The following FXR1 variants were observed in gnomAD, a reference collection of about 807,000 sequenced individuals.
FXR1 encodes RNA-binding protein FXR1.
A neutral mutation model predicts 84.0 loss-of-function variants in FXR1; 15 were observed. That is an observed-to-expected ratio of 0.18 (90% CI 0.12 to 0.27). The LOEUF (loss-of-function observed/expected upper bound fraction) is 0.27. Among genes scored for constraint, FXR1 ranks in the 10% least tolerant of loss-of-function variants. FXR1 has a pLI of 1.00. For missense variants in FXR1, 480 were observed against 774.4 expected (o/e 0.62, Z 4.51); for synonymous variants, 245 against 250.7 (o/e 0.98, Z 0.21).
At chr3:180,942,237 G>A (rs566585787) in intron 3 of FXR1, among the ~76,000 whole-genome samples, 3 of 152,136 alleles carry the variant, frequency 2.0e-5, no homozygotes, top group South Asian at 4.1e-4. Context: ...AATTAGCCAG[G>A]TGTGGTAGCG....
intron 3 of FXR1, 134 bp from the exon 4 acceptor site, chr3:180,947,731 A>G (rs1311702525): frequency 2.2e-6 from 1 of 458,896 alleles, no homozygotes; most frequent in African/African-American, 2.0e-5. Flanking sequence ...TTTAAATTGC[A>G]TTTAATATGC....
chr3:180,960,188 A>G (rs1711918465), intron 10 of FXR1, among the ~76,000 whole-genome samples: 2 of 152,194 alleles, frequency 1.3e-5, no homozygotes, highest in African/African-American at 4.8e-5. Flanking sequence ...AGCAAAGTAA[A>G]CCAAGTCTGG....
At chr3:180,942,640 A>G (rs1721259437) in intron 3 of FXR1, among the ~76,000 whole-genome samples, 1 of 152,156 alleles carries the variant, frequency 6.6e-6, no homozygotes, top group Admixed American at 6.5e-5. Flanking sequence ...AATGAGTGCT[A>G]TTGTGTTTTT....
chr3:180,913,274 T>TG (rs943361146), intron 1 of FXR1, among the ~76,000 whole-genome samples: 13 of 152,140 alleles, frequency 8.5e-5, no homozygotes, highest in African/African-American at 3.1e-4. Flanking sequence ...CTGAGGAGAA[T>TG]GGGGGTACCG....
At chr3:180,966,613 T>A (rs1367024341) in intron 13 of FXR1, among the ~76,000 whole-genome samples, 1 of 152,196 alleles carries the variant, frequency 6.6e-6, no homozygotes, top group African/African-American at 2.4e-5. Context: ...TTATACACTC[T>A]GCCAGGCATT....
At position 180,942,377 on chromosome 3, in the gene FXR1, C is replaced by CAAAAAAA. The variant is rs765066164; in HGVS notation, c.199-5466_199-5460dup. Among the ~76,000 whole-genome samples the CAAAAAAA allele has an allele frequency of 2.2e-3, 67 of 31,124 alleles. 11 individuals are homozygous for CAAAAAAA. Among genetic ancestry groups the CAAAAAAA allele is most frequent in the African/African-American group, 6.4e-3 (56 of 8,708 alleles). The allele number at this position is 31,124 out of a possible 152,430, so 20.4% of individuals were successfully genotyped here. A position where few individuals can be genotyped will look rare whatever the true frequency, so the allele number is the denominator to read the frequency against. On this transcript the variant is annotated intron_variant, in intron 3 of 16. Coordinates refer to ENST00000357559, the MANE Select transcript of FXR1 (RefSeq NM_005087.4). ...TGGGCGACAGAGCGAGACTCCGTCT[C>CAAAAAAA]AAAAAAAAAAAAAAAAAAAAAAAAA...
At chr3:180,950,355 G>A (rs537784499) in intron 7 of FXR1, among the ~76,000 whole-genome samples, 2 of 152,272 alleles carry the variant, frequency 1.3e-5, no homozygotes, top group South Asian at 2.1e-4. Context: ...TAAAATAGAT[G>A]AATAAAACAG....
At position 180,976,350 on chromosome 3, in the gene FXR1, C is replaced by G. The variant is rs1201526508; in HGVS notation, c.*58C>G. On this transcript the variant is annotated 3_prime_UTR_variant, in exon 17 of 17. Transcript: ENST00000357559. The stretch of plus-strand genomic sequence containing the variant: ...CATTACATTTACAATAGTGCTTGTA[C>G]AAGCTTGCCAAAGATAGAATATGGA... 1 of 1,149,412 alleles carries G rather than the reference C, an allele frequency of 8.7e-7. No individual in the cohort carries two copies. The highest frequency in any genetic ancestry group is 1.6e-5 in the African/African-American group (1 of 63,488). 71.2% of individuals were successfully genotyped at this position (1,149,412 alleles called of 1,614,324 possible).
At position 180,948,772 on chromosome 3, in the gene FXR1, C is replaced by T; in HGVS notation, c.471C>T (p.Cys157=). 1 of 1,580,570 alleles carries T rather than the reference C, an allele frequency of 6.3e-7. No individual in the cohort carries two copies. Among genetic ancestry groups the T allele is most frequent in the Non-Finnish European group, 8.7e-7 (1 of 1,149,536 alleles). ...ATTTTAAGAAAGCAGTAGGAGCATG[C>T]AGAATTTTTTACCATCCAGAAACAA... ...HKDFKKAVGA[C]RIFYHPETTQ... is the part of the protein sequence containing the mutation. Residue 157 remains cysteine, a synonymous_variant, in exon 6 of 17, where the codon TGC becomes TGT. Transcript: ENST00000357559.
intron 14 of FXR1, 139 bp from the exon 15 acceptor site, chr3:180,970,019 A>C: frequency 2.1e-6 from 1 of 477,798 alleles, no homozygotes; most frequent in Non-Finnish European, 3.8e-6. Context: ...ATAATATTGA[A>C]AACATTTTAT....
At chr3:180,975,587 A>T (rs887551755) in intron 16 of FXR1, among the ~76,000 whole-genome samples, 183 bp downstream of exon 16, 1 of 152,186 alleles carries the variant, frequency 6.6e-6, no homozygotes, top group Admixed American at 6.5e-5. Flanking sequence ...CTTGAGCCTG[A>T]AATACTTTTT....
At chr3:180,951,250 C>T (rs1722209185) in intron 7 of FXR1, 48 bp from the exon 8 acceptor site, 4 of 1,203,160 alleles carry the variant, frequency 3.3e-6, no homozygotes, top group Middle Eastern at 2.0e-4. Context: ...ACAAAAAAGC[C>T]ATTTTGTATT....
chr3:180,974,846 C>A (rs990656134), intron 15 of FXR1, among the ~76,000 whole-genome samples: 2 of 151,564 alleles, frequency 1.3e-5, no homozygotes, highest in African/African-American at 4.8e-5. Flanking sequence ...TAAAAAAAAA[C>A]ACACACACAC....
chr3:180,933,424 G>A (rs568108888), intron 2 of FXR1, 38 bp downstream of exon 2: 14 of 1,212,734 alleles, frequency 1.2e-5, no homozygotes, highest in Admixed American at 1.7e-5. Context: ...TAATTTTAGA[G>A]ATGGCAGTGC....
chr3:180,974,961 A>G (rs1714049919), intron 15 of FXR1, among the ~76,000 whole-genome samples: 2 of 96,114 alleles, frequency 2.1e-5, no homozygotes, highest in South Asian at 7.9e-4. Context: ...CTCCCCGATA[A>G]TTGCAAACAC....
intron 8 of FXR1, among the ~76,000 whole-genome samples, chr3:180,953,353 A>G (rs1339430820): frequency 6.6e-6 from 1 of 152,184 alleles, no homozygotes; most frequent in Non-Finnish European, 1.5e-5. Context: ...TGATTTTGAG[A>G]ATAAATAAAT....
intron 15 of FXR1, among the ~76,000 whole-genome samples, chr3:180,974,499 A>G (rs981927003): frequency 6.6e-6 from 1 of 152,198 alleles, no homozygotes; most frequent in African/African-American, 2.4e-5. Flanking sequence ...CAGTCCACAT[A>G]CTGTAGAACA....
intron 1 of FXR1, among the ~76,000 whole-genome samples, chr3:180,928,381 T>A (rs1229860966): frequency 2.7e-5 from 1 of 36,684 alleles, no homozygotes. Context: ...CCCCACCCCA[T>A]TTTAGAAGTT....
At position 180,982,349 on chromosome 3, in the gene FXR1, C is replaced by A. The variant is rs1263306657; in HGVS notation, c.*6057C>A. The A allele has an allele frequency of 1.3e-5, 2 of 151,992 alleles. No individual in the cohort carries two copies. Among genetic ancestry groups the A allele is most frequent in the Non-Finnish European group, 2.9e-5 (2 of 67,906 alleles). 9.4% of individuals were successfully genotyped at this position (151,992 alleles called of 1,614,324 possible). ...TATCAATCACCTACATGATCTAGAGCCCTCACATGGATAACATTTAAATGT... is the reference window on the plus strand; with the variant it reads ...TATCAATCACCTACATGATCTAGAGACCTCACATGGATAACATTTAAATGT... On this transcript the variant is annotated 3_prime_UTR_variant, in exon 17 of 17. Transcript: ENST00000357559.
Sources: allele counts gnomAD v4.1 joint callset (sites outside exome capture counted in the v4.1 genomes callset), GRCh38; gene constraint gnomAD v4.1.1; transcripts MANE v1.5; gene names NCBI Gene and HGNC (gene_info 2026-07-23, HGNC 2026-07-21).